Variants in NUP35 observed in about 807,000 individuals in gnomAD.
NUP35 encodes nucleoporin NUP35.
Under a neutral mutation model 41.5 loss-of-function variants are expected in NUP35, and 25 were observed. That is an observed-to-expected ratio of 0.60 (90% CI 0.44 to 0.84). NUP35 has a LOEUF of 0.84. NUP35 is among the 40% of genes least tolerant of loss of function. The pLI is 0.00. For synonymous variants in NUP35, 149 were observed against 130.7 expected, an observed-to-expected ratio of 1.14 and a Z score of -0.96; for missense variants, 396 against 396.6, an observed-to-expected ratio of 1.00 and a Z score of 0.01.
At chr2:183,150,225 A>C (rs1023520710) in intron 4 of NUP35, among the ~76,000 whole-genome samples, 2 of 152,140 alleles carry the variant, frequency 1.3e-5, no homozygotes, top group Admixed American at 1.3e-4. Flanking sequence ...ACCTTTTACT[A>C]TCAAAGTTTT....
chr2:183,134,051 T>A (rs1684791466), intron 4 of NUP35, among the ~76,000 whole-genome samples: 1 of 152,204 alleles, frequency 6.6e-6, no homozygotes, highest in African/African-American at 2.4e-5. Flanking sequence ...TAAAGGTGTT[T>A]TGAGAGATGT....
chr2:183,129,157 G>A lies in NUP35; in HGVS notation c.211+700G>A, dbSNP rs551333852. Among the ~76,000 whole-genome samples the A allele has an allele frequency of 4.6e-5, 7 of 152,290 alleles. No homozygotes were observed. The South Asian group carries it at 6.2e-4, about 14-fold the overall frequency. On this transcript the variant is annotated intron_variant, in intron 2 of 8. Transcript: ENST00000295119. The stretch of plus-strand genomic sequence containing the variant: ...AAGTGTAACTTGAAGATGTAGATAC[G>A]AATTCTGCCTTTAGTCTTAGTGAAT...
chr2:183,117,821 A>G (rs1054649401), intron 1 of NUP35, among the ~76,000 whole-genome samples: 2 of 152,184 alleles, frequency 1.3e-5, no homozygotes, highest in African/African-American at 2.4e-5. Flanking sequence ...TTTGGTGTGG[A>G]TATATTAAAC....
intron 1 of NUP35, among the ~76,000 whole-genome samples, chr2:183,118,012 G>GCA (rs1200655318): frequency 6.6e-6 from 1 of 152,056 alleles, no homozygotes; most frequent in Non-Finnish European, 1.5e-5. Flanking sequence ...GGCAGTTTAG[G>GCA]GGGCAAGAAC....
chr2:183,142,776 C>T (rs1385238843), intron 4 of NUP35, among the ~76,000 whole-genome samples: 1 of 151,880 alleles, frequency 6.6e-6, no homozygotes. Flanking sequence ...CACCATGCCC[C>T]ACCATCTCAG....
At chr2:183,141,173 C>G (rs71427876) in intron 4 of NUP35, among the ~76,000 whole-genome samples, 207 of 151,464 alleles carry the variant, frequency 1.4e-3, no homozygotes, top group South Asian at 1.9e-3. Context: ...CCTTTTTCCT[C>G]CATCTTCAAA....
At chr2:183,119,824 A>G (rs569230823), upstream of NUP35, among the ~76,000 whole-genome samples, 2 of 152,166 alleles carry the variant, frequency 1.3e-5, no homozygotes, top group South Asian at 4.2e-4. Context: ...AGCTGGGACT[A>G]AAAGGTACAT....
In NUP35 at chr2:183,161,260, T is replaced by C. The variant is rs56987972; in HGVS notation, c.*129T>C. The stretch of plus-strand genomic sequence containing the variant: ...CTCATACTTCTTTTAGAAAGAAGCC[T>C]TTTTCATTAAGGATACAACCTATTT... On this transcript the variant is annotated 3_prime_UTR_variant, in exon 9 of 9. Transcript: ENST00000295119. 7,539 of 571,502 alleles carry C rather than the reference T, an allele frequency of 0.013. 485 individuals carry two copies. Among genetic ancestry groups the C allele is most frequent in the African/African-American group, 0.13 (6,744 of 53,188 alleles). The allele number at this position is 571,502 out of a possible 1,614,324, so 35.4% of individuals were successfully genotyped here.
intron 4 of NUP35, among the ~76,000 whole-genome samples, chr2:183,141,139 C>T (rs1255789010): frequency 6.6e-6 from 1 of 151,094 alleles, no homozygotes; most frequent in African/African-American, 2.4e-5. Flanking sequence ...TTTTCCTCAG[C>T]ATCTAGCTGG....
chr2:183,150,393 A>G (rs1206334913), intron 4 of NUP35, among the ~76,000 whole-genome samples: 1 of 151,936 alleles, frequency 6.6e-6, no homozygotes, highest in Non-Finnish European at 1.5e-5. Context: ...CATCCCCCTC[A>G]CTGTGCAAAC....
At chr2:183,151,477 G>A in intron 4 of NUP35, 31 bp from the exon 5 acceptor site, 1 of 1,603,122 alleles carries the variant, frequency 6.2e-7, no homozygotes, top group South Asian at 1.1e-5. Flanking sequence ...TGTTTACACT[G>A]GCAACTAACT....
At chr2:183,156,093 A>G (rs16824059) in intron 5 of NUP35, among the ~76,000 whole-genome samples, 6,913 of 152,264 alleles carry the variant, frequency 0.045, 244 homozygotes, top group South Asian at 0.15. Context: ...TGATTCTGCT[A>G]TAGAGTACTA....
intron 5 of NUP35, among the ~76,000 whole-genome samples, chr2:183,154,731 C>T (rs1332207441): frequency 6.6e-6 from 1 of 152,162 alleles, no homozygotes; most frequent in Non-Finnish European, 1.5e-5. Flanking sequence ...CAACCTCTGC[C>T]TATTAGCCAG....
At chr2:183,134,074 ATAAATC>A in intron 4 of NUP35, among the ~76,000 whole-genome samples, 1 of 152,370 alleles carries the variant, frequency 6.6e-6, no homozygotes, top group African/African-American at 2.4e-5. Context: ...ATGCATAGTT[ATAAATC>A]TAAATGCCGT....
intron 4 of NUP35, among the ~76,000 whole-genome samples, chr2:183,134,868 C>G (rs1684822739): frequency 6.6e-6 from 1 of 151,738 alleles, no homozygotes; most frequent in African/African-American, 2.4e-5. Flanking sequence ...TTGTGATCTA[C>G]CCACCTCGGC....
intron 4 of NUP35, among the ~76,000 whole-genome samples, chr2:183,150,172 TG>T (rs1288266998): frequency 9.9e-5 from 15 of 152,192 alleles, no homozygotes; most frequent in African/African-American, 3.6e-4. Flanking sequence ...CCCAAAGTGT[TG>T]GGATGACAGG....
intron 5 of NUP35, among the ~76,000 whole-genome samples, chr2:183,153,478 A>G (rs1238492818): frequency 6.6e-6 from 1 of 152,156 alleles, no homozygotes; most frequent in Non-Finnish European, 1.5e-5. Flanking sequence ...GCCATTCCAA[A>G]TGGGAGAAAT....
intron 4 of NUP35, among the ~76,000 whole-genome samples, chr2:183,147,937 G>T (rs922186231): frequency 1.3e-5 from 2 of 151,462 alleles, no homozygotes; most frequent in Admixed American, 1.3e-4. Context: ...TTGATATGTG[G>T]CTATTGTAAA....
chr2:183,140,986 C>G (rs1211262188), intron 4 of NUP35, among the ~76,000 whole-genome samples: 1 of 152,154 alleles, frequency 6.6e-6, no homozygotes, highest in Non-Finnish European at 1.5e-5. Flanking sequence ...GCCATTGTAA[C>G]AAATTACCAC....
Sources: allele counts gnomAD v4.1 joint callset (sites outside exome capture counted in the v4.1 genomes callset), GRCh38; gene constraint gnomAD v4.1.1; transcripts MANE v1.5; gene names NCBI Gene and HGNC (gene_info 2026-07-23, HGNC 2026-07-21).